GPR137C: variants seen among roughly 807,000 people sequenced by gnomAD.
The protein encoded by GPR137C is G protein-coupled receptor 137C.
Under a neutral mutation model 43.4 loss-of-function variants are expected in GPR137C, and 27 were observed. That is an observed-to-expected ratio of 0.62 (90% CI 0.46 to 0.86). The LOEUF is 0.86. Among genes scored for constraint, GPR137C ranks in the 40% least tolerant of loss-of-function variants. The pLI is 0.00. For synonymous variants in GPR137C, 285 were observed against 226.9 expected, an observed-to-expected ratio of 1.26 and a Z score of -2.30; for missense variants, 522 against 534.6, an observed-to-expected ratio of 0.98 and a Z score of 0.23.
At chr14:52,605,194 G>T (rs1423207421) in intron 3 of GPR137C, among the ~76,000 whole-genome samples, 2 of 152,072 alleles carry the variant, frequency 1.3e-5, no homozygotes, top group Non-Finnish European at 2.9e-5. Flanking sequence ...GTGAGCATGG[G>T]ATGTCTTTCC....
chr14:52,553,356 G>A lies in GPR137C; in HGVS notation c.209G>A (p.Arg70Gln). 2 of 1,602,774 alleles carry A rather than the reference G, an allele frequency of 1.2e-6. No homozygotes were observed. Among genetic ancestry groups the A allele is most frequent in the East Asian group, 2.2e-5 (1 of 44,750 alleles). Residue 70 changes from arginine (R) to glutamine (Q), a missense_variant, in exon 1 of 7, where the codon CGG becomes CAG. Coordinates refer to ENST00000321662, the MANE Select transcript of GPR137C (RefSeq NM_001099652.2). ...GCCTTTGCCTACCTGCAGCTGTGGC[G>A]GCTGCTCCTGTACCGCGAGCGGCGG... The part of the protein sequence containing the change: ...LFAFAYLQLW[R>Q]LLLYRERRLS...
At position 52,553,211 on chromosome 14, in the gene GPR137C, A is replaced by C; in HGVS notation, c.64A>C (p.Thr22Pro). ...CCCCGCAGCCGGCCGCGAGCCCTCCACGCCCGGCGGGGGCAGCGGAGGCGG... is the reference window on the plus strand; with the variant it reads ...CCCCGCAGCCGGCCGCGAGCCCTCCCCGCCCGGCGGGGGCAGCGGAGGCGG... ...AAPAAGREPS[T>P]PGGGSGGGGA... is the part of the protein sequence containing the mutation. The change falls in exon 1 of 7, where the codon ACG becomes CCG. Residue 22 changes from threonine to proline, a missense_variant. This residue lies in a region of GPR137C where 437 missense variants were observed against 425.7 expected (regional missense o/e 1.03). Transcript: ENST00000321662. 1 of 1,260,996 alleles carries C rather than the reference A, an allele frequency of 7.9e-7. No individual in the cohort carries two copies. The highest frequency in any genetic ancestry group is 1.0e-6 in the Non-Finnish European group (1 of 1,004,070). The allele number at this position is 1,260,996 out of a possible 1,614,324, so 78.1% of individuals were successfully genotyped here.
intron 3 of GPR137C, among the ~76,000 whole-genome samples, chr14:52,614,223 C>G (rs551738151): frequency 6.7e-6 from 1 of 149,876 alleles, no homozygotes; most frequent in Admixed American, 6.6e-5. Flanking sequence ...TGGGCTCAAT[C>G]AGTCCTCCCA....
chr14:52,573,612 T>G (rs2038505001), intron 1 of GPR137C, among the ~76,000 whole-genome samples: 1 of 151,996 alleles, frequency 6.6e-6, no homozygotes, highest in Non-Finnish European at 1.5e-5. Context: ...CCTAAAACCA[T>G]AAAAACCCAA....
chr14:52,553,258 A>G lies in GPR137C; in HGVS notation c.111A>G (p.Ser37=). 3 of 1,387,494 alleles carry G rather than the reference A, an allele frequency of 2.2e-6. No homozygotes were observed. The highest frequency in any genetic ancestry group is 2.8e-6 in the Non-Finnish European group (3 of 1,067,456). The allele number at this position is 1,387,494 out of a possible 1,614,324, so 85.9% of individuals were successfully genotyped here. Residue 37 remains serine (S), a synonymous_variant, in exon 1 of 7, where the codon TCA becomes TCG. Coordinates refer to ENST00000321662, the MANE Select transcript of GPR137C (RefSeq NM_001099652.2). ...SGGGGAVAAA[S]GAAVPGSVQL... ...GCGGAGGCGCCGTCGCTGCAGCCTC[A>G]GGCGCCGCGGTGCCGGGCTCCGTGC...
At chr14:52,591,557 T>C (rs2038784897) in intron 1 of GPR137C, among the ~76,000 whole-genome samples, 1 of 152,228 alleles carries the variant, frequency 6.6e-6, no homozygotes. Context: ...GTGGTTTTGA[T>C]TTGTGTCTCT....
chr14:52,628,809 G>T (rs765981269), intron 3 of GPR137C, among the ~76,000 whole-genome samples: 1 of 151,984 alleles, frequency 6.6e-6, no homozygotes, highest in Non-Finnish European at 1.5e-5. Context: ...TAAAAAAGAA[G>T]TTAAAATTCT....
chr14:52,598,392 A>G (rs2038882825), intron 2 of GPR137C, 77 bp downstream of exon 2: 3 of 616,008 alleles, frequency 4.9e-6, no homozygotes, highest in Admixed American at 6.7e-5. Flanking sequence ...CTTAGTATCT[A>G]AAAGATCTAA....
intron 3 of GPR137C, chr14:52,613,652 C>A: frequency 4.1e-6 from 1 of 243,970 alleles, no homozygotes. Context: ...TGATGATCTC[C>A]AGTTCCATGT....
intron 1 of GPR137C, among the ~76,000 whole-genome samples, chr14:52,561,002 CAAT>C (rs2038274842): frequency 1.3e-5 from 2 of 151,984 alleles, no homozygotes; most frequent in South Asian, 2.1e-4. Context: ...ACTTATAACT[CAAT>C]AAGAAAATCC....
Position 52,553,307 on chromosome 14 carries a change from G to A in GPR137C, c.160G>A (p.Ala54Thr), listed in dbSNP as rs1002948517. The change falls in exon 1 of 7, where the codon GCC (alanine) becomes ACC (threonine). Residue 54 changes from alanine (A) to threonine (T), a missense_variant. By Grantham distance (58) the Ala-to-Thr change is moderately conservative. Transcript: ENST00000321662. Reference sequence around the variant, plus strand: ...GCAGTTGGCGCTGAGCGTCCTGCACGCCCTGCTCTACGCCGCGCTGTTCGC... The same window carrying A: ...GCAGTTGGCGCTGAGCGTCCTGCACACCCTGCTCTACGCCGCGCTGTTCGC... ...SVQLALSVLH[A>T]LLYAALFAFA... is the part of the protein sequence containing the mutation. The A allele has an allele frequency of 3.8e-6, 6 of 1,566,590 alleles. No homozygotes were observed. The African/African-American group carries it at 6.8e-5, about 18-fold the overall frequency.
chr14:52,609,704 G>C (rs2039018237), intron 3 of GPR137C, among the ~76,000 whole-genome samples: 1 of 152,184 alleles, frequency 6.6e-6, no homozygotes, highest in Non-Finnish European at 1.5e-5. Flanking sequence ...GGCCCAGATG[G>C]ATCTGGGGAA....
rs1307220934 is a variant in GPR137C, at chr14:52,600,222, A to G, written c.598A>G (p.Thr200Ala). The G allele has an allele frequency of 6.2e-7, 1 of 1,613,518 alleles. No individual in the cohort carries two copies. The highest frequency in any genetic ancestry group is 1.3e-5 in the African/African-American group (1 of 74,898). Residue 200 changes from threonine to alanine, a missense_variant, in exon 3 of 7, where the codon ACT (threonine) becomes GCT (alanine). This residue lies in a region of GPR137C where 437 missense variants were observed against 425.7 expected (regional missense o/e 1.03). Coordinates refer to ENST00000321662, the MANE Select transcript of GPR137C (RefSeq NM_001099652.2). ...TGTCCCAGAAAATCAGTTGAAGTGG[A>G]CTGTGTTTGTTCGAGCATTAATTAA... Reference protein sequence around the residue: ...GDVPENQLKWTVFVRALINDS... With the variant: ...GDVPENQLKWAVFVRALINDS...
At chr14:52,589,810 G>A (rs8003736) in intron 1 of GPR137C, among the ~76,000 whole-genome samples, 2,496 of 152,228 alleles carry the variant, frequency 0.016, 65 homozygotes, top group African/African-American at 0.056. Flanking sequence ...CCATTGTAAC[G>A]TCATAGCACA....
chr14:52,553,351 G>T lies in GPR137C; in HGVS notation c.204G>T (p.Leu68=). The stretch of plus-strand genomic sequence containing the variant: ...TGTTCGCCTTTGCCTACCTGCAGCT[G>T]TGGCGGCTGCTCCTGTACCGCGAGC... The part of the protein sequence containing the change: ...AALFAFAYLQ[L]WRLLLYRERR... The change falls in exon 1 of 7, where the codon CTG becomes CTT. Residue 68 remains leucine (L), a synonymous_variant. Transcript: ENST00000321662. 1 of 1,602,134 alleles carries T rather than the reference G, an allele frequency of 6.2e-7. No individual in the cohort carries two copies. The highest frequency in any genetic ancestry group is 1.1e-5 in the South Asian group (1 of 90,560).
intron 1 of GPR137C, among the ~76,000 whole-genome samples, chr14:52,586,798 C>T (rs1353365455): frequency 6.6e-6 from 1 of 152,140 alleles, no homozygotes; most frequent in Non-Finnish European, 1.5e-5. Flanking sequence ...TATAACAATA[C>T]ATTTCGTGAC....
At chr14:52,622,356 C>T (rs182350204) in intron 3 of GPR137C, among the ~76,000 whole-genome samples, 3 of 151,878 alleles carry the variant, frequency 2.0e-5, no homozygotes, top group African/African-American at 7.2e-5. Context: ...AAAGAATGGT[C>T]CTAGATCTTC....
chr14:52,599,276 CT>C (rs1439385361), intron 2 of GPR137C, among the ~76,000 whole-genome samples: 1 of 152,074 alleles, frequency 6.6e-6, no homozygotes, highest in East Asian at 1.9e-4. Context: ...AAATATGCAA[CT>C]TTTTAAGAAC....
chr14:52,557,835 A>C (rs964320223), intron 1 of GPR137C, among the ~76,000 whole-genome samples: 13 of 152,182 alleles, frequency 8.5e-5, no homozygotes, highest in Admixed American at 7.2e-4. Flanking sequence ...CTTATCAAGT[A>C]ATTTGTTTCT....
Sources: gnomAD v4.1 joint callset for allele counts (sites outside exome capture counted in the v4.1 genomes callset) on GRCh38, gnomAD v4.1.1 for gene constraint, gnomAD v4.1.1 regional missense constraint, MANE v1.5 for transcripts, NCBI Gene and HGNC (gene_info 2026-07-23, HGNC 2026-07-21) for gene names.